Variants in XYLT1 observed in about 807,000 individuals in gnomAD.
XYLT1 encodes the protein beta-D-xylosyltransferase 1.
XYLT1 carries 36 observed loss-of-function variants against 91.3 expected under a neutral mutation model. The ratio of observed to expected loss-of-function variants is 0.39; its 90% CI spans 0.30 to 0.52. The LOEUF (loss-of-function observed/expected upper bound fraction) is 0.52, where lower values mean the gene tolerates loss of function less well. Among genes scored for constraint, XYLT1 ranks in the 20% least tolerant of loss-of-function variants. The probability of loss-of-function intolerance (pLI) is 0.68; values close to 1 mark genes in which losing one functional copy is unlikely to be tolerated. For synonymous variants in XYLT1, 588 were observed against 532.0 expected (o/e 1.11, Z -1.45); for missense variants, 1,242 against 1,284.5 (o/e 0.97, Z 0.51).
chr16:17,152,288 T>A (rs2031300663), intron 6 of XYLT1, among the ~76,000 whole-genome samples: 1 of 152,210 alleles, frequency 6.6e-6, no homozygotes, highest in African/African-American at 2.4e-5. Flanking sequence ...CAGGGAGGTA[T>A]GTGTGTGCAG....
chr16:17,205,376 A>G (rs747135643), intron 3 of XYLT1, among the ~76,000 whole-genome samples: 2 of 152,260 alleles, frequency 1.3e-5, no homozygotes, highest in Non-Finnish European at 2.9e-5. Context: ...GTGTCCTGCA[A>G]TAATGATTTG....
intron 1 of XYLT1, among the ~76,000 whole-genome samples, chr16:17,362,161 C>G (rs756763080): frequency 1.3e-5 from 2 of 152,174 alleles, no homozygotes; most frequent in Non-Finnish European, 2.9e-5. Flanking sequence ...ACAAAATAAT[C>G]CTACAATTTT....
intron 2 of XYLT1, among the ~76,000 whole-genome samples, chr16:17,335,251 A>T (rs978935840): frequency 1.3e-5 from 2 of 152,010 alleles, no homozygotes; most frequent in Non-Finnish European, 2.9e-5. Flanking sequence ...AAACAAAAAA[A>T]AAACTACCTA....
chr16:17,252,518 A>G (rs556441815), intron 3 of XYLT1, among the ~76,000 whole-genome samples: 3 of 152,256 alleles, frequency 2.0e-5, no homozygotes, highest in East Asian at 3.9e-4. Context: ...CTCCCTCTGC[A>G]CGGTTGCCAG....
intron 3 of XYLT1, among the ~76,000 whole-genome samples, chr16:17,203,394 A>G (rs2032578952): frequency 6.6e-6 from 1 of 151,584 alleles, no homozygotes; most frequent in Non-Finnish European, 1.5e-5. Flanking sequence ...ATCGAAATCC[A>G]ACCACTCATC....
chr16:17,143,834 A>T (rs1408304576), intron 6 of XYLT1, among the ~76,000 whole-genome samples: 3 of 81,594 alleles, frequency 3.7e-5, no homozygotes, highest in Non-Finnish European at 7.3e-5. Context: ...CATCACCACC[A>T]TCGTCATCAT....
intron 1 of XYLT1, among the ~76,000 whole-genome samples, chr16:17,414,961 G>C (rs11641505): frequency 0.53 from 80,538 of 151,988 alleles, 24,288 homozygotes; most frequent in African/African-American, 0.81. Context: ...AATCAGAACT[G>C]CAGACCCCCC....
chr16:17,373,416 T>C (rs189749043), intron 1 of XYLT1, among the ~76,000 whole-genome samples: 25 of 152,316 alleles, frequency 1.6e-4, no homozygotes, highest in Non-Finnish European at 1.2e-4. Context: ...CCCCATTTTA[T>C]AGATGAGGAA....
chr16:17,233,505 C>T (rs547888347), intron 3 of XYLT1, among the ~76,000 whole-genome samples: 7 of 152,256 alleles, frequency 4.6e-5, no homozygotes, highest in Admixed American at 1.3e-4. Flanking sequence ...GCATACTAAG[C>T]GGCCTGCAGA....
intron 1 of XYLT1, among the ~76,000 whole-genome samples, chr16:17,460,088 CT>C (rs2141958649): frequency 6.6e-6 from 1 of 152,250 alleles, no homozygotes; most frequent in South Asian, 2.1e-4. Context: ...TTAGCATCAT[CT>C]GATGAAGTGC....
intron 2 of XYLT1, among the ~76,000 whole-genome samples, chr16:17,311,476 T>C (rs2034548698): frequency 6.6e-6 from 1 of 152,192 alleles, no homozygotes; most frequent in Non-Finnish European, 1.5e-5. Context: ...GGTGCGTTTC[T>C]TTCCATTTCC....
chr16:17,192,092 CTT>C (rs550488299), intron 5 of XYLT1, among the ~76,000 whole-genome samples: 59 of 126,782 alleles, frequency 4.7e-4, no homozygotes, highest in African/African-American at 1.3e-3. Flanking sequence ...CTCTCTCTCT[CTT>C]TTTTTTTTTT....
intron 3 of XYLT1, among the ~76,000 whole-genome samples, chr16:17,223,691 A>G (rs2033013152): frequency 6.6e-6 from 1 of 152,236 alleles, no homozygotes; most frequent in Admixed American, 6.5e-5. Context: ...AATCAGGAAC[A>G]TCTATTTTGG....
intron 2 of XYLT1, among the ~76,000 whole-genome samples, chr16:17,346,308 C>CCCTAGGAGGATCCAGAGT (rs2035143253): frequency 1.3e-5 from 2 of 152,076 alleles, no homozygotes; most frequent in South Asian, 4.1e-4. Flanking sequence ...GCAGGTGAGA[C>CCCTAGGAGGATCCAGAGT]CCTAGGAGGA....
chr16:17,117,547 C>T, intron 11 of XYLT1, 99 bp downstream of exon 11: 1 of 1,327,178 alleles, frequency 7.5e-7, no homozygotes, highest in Non-Finnish European at 1.0e-6. Context: ...GAGGCCGCTG[C>T]TTACCCTATG....
intron 2 of XYLT1, among the ~76,000 whole-genome samples, chr16:17,276,610 G>A (rs771364582): frequency 6.6e-6 from 1 of 152,114 alleles, no homozygotes; most frequent in Non-Finnish European, 1.5e-5. Flanking sequence ...AGGAAACTCT[G>A]GTCACTCCCT....
chr16:17,209,169 C>T (rs2032713134), intron 3 of XYLT1, among the ~76,000 whole-genome samples: 1 of 152,194 alleles, frequency 6.6e-6, no homozygotes, highest in South Asian at 2.1e-4. Flanking sequence ...TCCCACTCTC[C>T]CCTCCTTCAG....
chr16:17,426,281 C>T (rs534728227), intron 1 of XYLT1, among the ~76,000 whole-genome samples: 3 of 152,160 alleles, frequency 2.0e-5, no homozygotes, highest in South Asian at 2.1e-4. Context: ...GCATTACGGC[C>T]GGGCACGGTG....
chr16:17,448,695 AG>A (rs1263665262), intron 1 of XYLT1, among the ~76,000 whole-genome samples: 1 of 22,392 alleles, frequency 4.5e-5, no homozygotes, highest in East Asian at 4.2e-4. Context: ...TGGAGGGGGG[AG>A]GAGGAAGAGG....
Sources: allele counts gnomAD v4.1 joint callset (sites outside exome capture counted in the v4.1 genomes callset), GRCh38; gene constraint gnomAD v4.1.1; transcripts MANE v1.5; gene names NCBI Gene and HGNC (gene_info 2026-07-23, HGNC 2026-07-21).